ETV1: variants seen among roughly 807,000 people sequenced by gnomAD.
ETV1 encodes the protein ETS translocation variant 1.
In ETV1, 27 loss-of-function variants were observed where a neutral mutation model predicts 62.3. The observed-to-expected ratio is 0.43, with a 90% CI of 0.32 to 0.60. ETV1 has a LOEUF of 0.60. Among genes scored for constraint, ETV1 ranks in the 20% least tolerant of loss-of-function variants. ETV1 has a pLI of 0.06. For synonymous variants in ETV1, 222 were observed against 199.6 expected (o/e 1.11, Z -0.94); for missense variants, 605 against 605.8 (o/e 1.00, Z 0.01).
intron 6 of ETV1, among the ~76,000 whole-genome samples, chr7:13,961,145 CA>C (rs11368361): frequency 0.15 from 20,107 of 136,694 alleles, 2,125 homozygotes; most frequent in African/African-American, 0.32. Flanking sequence ...GACCTCATCT[CA>C]AAAAAAAAAG....
rs1247678458 is a variant in ETV1, at chr7:13,922,565, G to T, written c.802+8937C>A. ...GTTAGCAACTTACCTGGGCAAGACA[G>T]CGAGACCCTATCTCTTTAAAACACA... On this transcript the variant is annotated intron_variant, in intron 9 of 13. Coordinates refer to ENST00000430479, the MANE Select transcript of ETV1 (RefSeq NM_004956.5). 2.0e-5 allele frequency among the ~76,000 whole-genome samples: 3 copies of T among 152,132 alleles called. No homozygotes were observed. The East Asian group carries it at 5.8e-4, about 29-fold the overall frequency.
At chr7:13,921,417 T>C (rs1269542742) in intron 9 of ETV1, among the ~76,000 whole-genome samples, 2 of 152,184 alleles carry the variant, frequency 1.3e-5, no homozygotes, top group Admixed American at 6.5e-5. Flanking sequence ...CTGAATAGTA[T>C]TGAATATGGA....
intron 8 of ETV1, among the ~76,000 whole-genome samples, chr7:13,934,961 A>T (rs937956426): frequency 6.6e-6 from 1 of 152,202 alleles, no homozygotes. Flanking sequence ...AAAGAAGGAG[A>T]GATGCTGTAT....
intron 6 of ETV1, among the ~76,000 whole-genome samples, chr7:13,971,168 G>C (rs1006192333): frequency 5.3e-5 from 8 of 151,914 alleles, no homozygotes; most frequent in Non-Finnish European, 1.0e-4. Flanking sequence ...ACGGGGTTTC[G>C]CCATGTTAGC....
intron 6 of ETV1, among the ~76,000 whole-genome samples, chr7:13,953,737 C>T (rs1450167123): frequency 2.6e-5 from 4 of 151,750 alleles, no homozygotes; most frequent in Non-Finnish European, 5.9e-5. Context: ...ACACCTCCAC[C>T]AGGATGCCAG....
chr7:13,982,678 G>A (rs1782112813), intron 5 of ETV1, among the ~76,000 whole-genome samples: 2 of 151,972 alleles, frequency 1.3e-5, no homozygotes, highest in Non-Finnish European at 2.9e-5. Flanking sequence ...ATTATATGGA[G>A]TTCTGTAATT....
At chr7:13,978,059 TAATA>T (rs1475607696) in intron 5 of ETV1, among the ~76,000 whole-genome samples, 1 of 152,152 alleles carries the variant, frequency 6.6e-6, no homozygotes, top group Non-Finnish European at 1.5e-5. Flanking sequence ...GGCTCATATA[TAATA>T]AAGTATTATA....
At chr7:13,907,470 T>A (rs550886745) in intron 11 of ETV1, among the ~76,000 whole-genome samples, 1 of 152,236 alleles carries the variant, frequency 6.6e-6, no homozygotes, top group South Asian at 2.1e-4. Context: ...AAAAATCTGT[T>A]AAATAGAGCA....
chr7:13,945,949 G>A (rs1241770714), intron 6 of ETV1, among the ~76,000 whole-genome samples: 3 of 152,140 alleles, frequency 2.0e-5, no homozygotes, highest in South Asian at 2.1e-4. Context: ...GTTGAACACG[G>A]CTCCAGCCTG....
At chr7:13,910,386 C>T (rs561600411) in intron 10 of ETV1, 1 of 161,400 alleles carries the variant, frequency 6.2e-6, no homozygotes, top group Admixed American at 6.6e-5. Flanking sequence ...ATAGAGTTTA[C>T]TTTTATTTCT....
intron 9 of ETV1, among the ~76,000 whole-genome samples, chr7:13,913,837 C>T (rs1400558629): frequency 6.6e-6 from 1 of 150,624 alleles, no homozygotes; most frequent in African/African-American, 2.4e-5. Flanking sequence ...AAGGTTTAAG[C>T]CAGACTCTCC....
chr7:13,917,980 G>GA (rs1460315476), intron 9 of ETV1, among the ~76,000 whole-genome samples: 1 of 151,818 alleles, frequency 6.6e-6, no homozygotes, highest in Non-Finnish European at 1.5e-5. Flanking sequence ...AAAAGAAAAA[G>GA]AAAAAGAAAG....
At chr7:13,917,084 T>A (rs958657942) in intron 9 of ETV1, among the ~76,000 whole-genome samples, 2 of 152,140 alleles carry the variant, frequency 1.3e-5, no homozygotes, top group African/African-American at 4.8e-5. Context: ...ATCTACACAA[T>A]TATAAACTTC....
Position 13,901,428 on chromosome 7 carries a change from A to G in ETV1, c.1111-589T>C, listed in dbSNP as rs78539631. Among the ~76,000 whole-genome samples, 26 of 152,342 alleles carry G rather than the reference A, an allele frequency of 1.7e-4. No homozygotes were observed. In the East Asian group the frequency reaches 5.0e-3, roughly 29 times the overall value. On this transcript the variant is annotated intron_variant, in intron 12 of 13. Coordinates refer to ENST00000430479, the MANE Select transcript of ETV1 (RefSeq NM_004956.5). Reference sequence around the variant, plus strand: ...AGGAAATGTTCTTACAACAGGAATGAACAGGCTACAGTTCACCAAAATGAG... The same window carrying G: ...AGGAAATGTTCTTACAACAGGAATGGACAGGCTACAGTTCACCAAAATGAG...
chr7:13,990,106 C>A (rs78243043), upstream of ETV1, among the ~76,000 whole-genome samples: 12 of 152,104 alleles, frequency 7.9e-5, no homozygotes, highest in Non-Finnish European at 1.5e-4. Flanking sequence ...CCCTCAGGAT[C>A]TCCAACCTCT....
At chr7:13,978,486 C>T (rs1462467010) in intron 5 of ETV1, among the ~76,000 whole-genome samples, 2 of 151,944 alleles carry the variant, frequency 1.3e-5, no homozygotes, top group Admixed American at 1.3e-4. Flanking sequence ...TCCTAATTAA[C>T]TTTAGCTGTC....
At chr7:13,972,953 G>C (rs1781053837) in intron 6 of ETV1, among the ~76,000 whole-genome samples, 1 of 152,072 alleles carries the variant, frequency 6.6e-6, no homozygotes, top group Non-Finnish European at 1.5e-5. Flanking sequence ...TTCAAAGTTA[G>C]CATCCTTCAA....
intron 6 of ETV1, among the ~76,000 whole-genome samples, chr7:13,951,950 T>C (rs932439392): frequency 4.6e-5 from 7 of 152,160 alleles, no homozygotes; most frequent in African/African-American, 1.7e-4. Flanking sequence ...CACTGACTCG[T>C]AGAAACAGAG....
intron 6 of ETV1, among the ~76,000 whole-genome samples, chr7:13,969,480 C>A (rs1780648810): frequency 6.6e-6 from 1 of 152,052 alleles, no homozygotes. Flanking sequence ...AACTTAATTG[C>A]AAAAGACTGA....
Sources: allele counts gnomAD v4.1 joint callset (sites outside exome capture counted in the v4.1 genomes callset), GRCh38; gene constraint gnomAD v4.1.1; transcripts MANE v1.5; gene names NCBI Gene and HGNC (gene_info 2026-07-23, HGNC 2026-07-21).